Variants in XKRX observed in about 807,000 individuals in gnomAD.
XKRX encodes the protein XK related X-linked, also known as XK-related protein 2.
In XKRX, 11 loss-of-function variants were observed where a neutral mutation model predicts 22.4. The ratio of observed to expected loss-of-function variants is 0.49; its 90% CI spans 0.31 to 0.81. The LOEUF (loss-of-function observed/expected upper bound fraction) is 0.81, where lower values mean the gene tolerates loss of function less well. Among genes scored for constraint, XKRX ranks in the 40% least tolerant of loss-of-function variants. The pLI is 0.05. For missense variants in XKRX, 320 were observed against 336.5 expected (o/e 0.95, Z 0.38); for synonymous variants, 114 against 132.2 (o/e 0.86, Z 0.94).
upstream of XKRX, among the ~76,000 whole-genome samples, chrX:100,931,794 C>G (rs948917325): frequency 9.0e-6 from 1 of 110,862 alleles, no homozygotes; most frequent in Admixed American, 9.6e-5. Context: ...CTCAGACACA[C>G]TCATCTCTAA....
the XKRX span, among the ~76,000 whole-genome samples, chrX:100,936,360 G>A: frequency 9.3e-6 from 1 of 107,702 alleles, no homozygotes; most frequent in Non-Finnish European, 1.9e-5. Flanking sequence ...GGCCAAAATG[G>A]TGAAACCCTA....
At chrX:100,915,689 TGTGTGTGTGTGTGTGTGTGC>T (rs57910829) in intron 2 of XKRX, among the ~76,000 whole-genome samples, 1,285 of 26,492 alleles carry the variant, frequency 0.049, 20 homozygotes, top group African/African-American at 0.18. Context: ...TGGGTGTGTC[TGTGTGTGTGTGTGTGTGTGC>T]GTGTGTGTGT....
chrX:100,948,106 A>G, the XKRX span, among the ~76,000 whole-genome samples: 2 of 107,889 alleles, frequency 1.9e-5, no homozygotes, highest in South Asian at 4.1e-4. Flanking sequence ...AGGTTTCACC[A>G]TGTTGCCCAG....
At chrX:100,905,616 C>G in the XKRX span, among the ~76,000 whole-genome samples, 82 of 112,059 alleles carry the variant, frequency 7.3e-4, 1 homozygote, top group Middle Eastern at 9.3e-3. Flanking sequence ...TCTACCCCCC[C>G]ATATTGTTGG....
the XKRX span, among the ~76,000 whole-genome samples, chrX:100,892,495 AC>A: frequency 8.9e-6 from 1 of 112,265 alleles, no homozygotes; most frequent in Non-Finnish European, 1.9e-5. Flanking sequence ...TGTAAAAAAA[AC>A]AATTAAAAAT....
At chrX:100,958,360 A>C in the XKRX span, among the ~76,000 whole-genome samples, 2 of 112,431 alleles carry the variant, frequency 1.8e-5, no homozygotes, top group South Asian at 7.3e-4. Flanking sequence ...CGCCAGCTAC[A>C]TCAGGGTCTT....
At chrX:100,949,783 A>G in the XKRX span, among the ~76,000 whole-genome samples, 1 of 111,956 alleles carries the variant, frequency 8.9e-6, no homozygotes, top group Non-Finnish European at 1.9e-5. Context: ...TAAAATCCAC[A>G]GACTCCAGTG....
At chrX:100,922,621 G>A (rs2085478534) in intron 2 of XKRX, among the ~76,000 whole-genome samples, 172 bp downstream of exon 2, 1 of 112,390 alleles carries the variant, frequency 8.9e-6, no homozygotes, top group South Asian at 3.7e-4. Context: ...AGCAACACAC[G>A]GCTGCTGAGA....
chrX:100,932,452 A>G (rs2085524327), upstream of XKRX, among the ~76,000 whole-genome samples: 1 of 111,940 alleles, frequency 8.9e-6, no homozygotes, highest in Non-Finnish European at 1.9e-5. Flanking sequence ...TCCTCCTGAG[A>G]AGCACTAGAA....
At chrX:100,917,674 A>AAAGAAAGAAAGAAAGAAAAGAAAGAAAG (rs34196882) in intron 2 of XKRX, among the ~76,000 whole-genome samples, 3 of 25,409 alleles carry the variant, frequency 1.2e-4, no homozygotes, top group African/African-American at 3.5e-4. Flanking sequence ...AGAAAGAAAG[A>AAAGAAAGAAAGAAAGAAAAGAAAGAAAG]AAAGAAAGAA....
At chrX:100,900,914 C>T in the XKRX span, among the ~76,000 whole-genome samples, 3 of 108,057 alleles carry the variant, frequency 2.8e-5, no homozygotes, top group Non-Finnish European at 3.8e-5. Context: ...CTCAGCCTCC[C>T]GAGTAGCTGG....
rs1422429305 is a variant in XKRX, at chrX:100,928,896, C to T, written c.-592G>A. On this transcript the variant is annotated 5_prime_UTR_variant, in exon 1 of 3. Transcript: ENST00000372956. ...TGTAGCTATCAGCTGGCCCGCTCAC[C>T]TGCGCGCTCTCAGGACCTTTGCCGA... 9 of 733,040 alleles carry T rather than the reference C, an allele frequency of 1.2e-5. No homozygotes were observed. Among genetic ancestry groups the T allele is most frequent in the Non-Finnish European group, 1.4e-5 (9 of 621,201 alleles). 60.4% of individuals were successfully genotyped at this position (733,040 alleles called of 1,213,427 possible).
At chrX:100,936,256 C>A in the XKRX span, among the ~76,000 whole-genome samples, 5 of 110,308 alleles carry the variant, frequency 4.5e-5, no homozygotes, top group Admixed American at 1.9e-4. Context: ...AAGAAATACC[C>A]ATGGCCGGGC....
the XKRX span, among the ~76,000 whole-genome samples, chrX:100,939,726 A>G: frequency 6.2e-5 from 7 of 112,266 alleles, no homozygotes; most frequent in Non-Finnish European, 1.1e-4. Flanking sequence ...TTTTATTTCC[A>G]CTATCAGTCC....
chrX:100,942,878 T>C, the XKRX span, among the ~76,000 whole-genome samples: 1,359 of 110,950 alleles, frequency 0.012, 19 homozygotes, highest in African/African-American at 0.041. Context: ...GGGGTCTGAA[T>C]GTGGAAAAAA....
chrX:100,904,170 T>C, the XKRX span, among the ~76,000 whole-genome samples: 12 of 111,445 alleles, frequency 1.1e-4, no homozygotes, highest in Non-Finnish European at 2.3e-4. Flanking sequence ...AGCCCAGAAA[T>C]AGACTCACAT....
downstream of XKRX, among the ~76,000 whole-genome samples, chrX:100,908,991 G>A (rs950653046): frequency 8.9e-6 from 1 of 111,850 alleles, no homozygotes; most frequent in African/African-American, 3.2e-5. Flanking sequence ...CTTCCTAGCA[G>A]GAGTAAGAGC....
At chrX:100,950,468 C>G in the XKRX span, among the ~76,000 whole-genome samples, 2 of 112,084 alleles carry the variant, frequency 1.8e-5, no homozygotes, top group Non-Finnish European at 3.8e-5. Flanking sequence ...ACATTTCTCT[C>G]TCAACAAATA....
At chrX:100,894,789 A>C in the XKRX span, among the ~76,000 whole-genome samples, 1 of 111,883 alleles carries the variant, frequency 8.9e-6, no homozygotes, top group African/African-American at 3.2e-5. Flanking sequence ...TATGTATTTT[A>C]TTTTGGGTAT....
Sources: gnomAD v4.1 joint callset for allele counts (sites outside exome capture counted in the v4.1 genomes callset) on GRCh38, gnomAD v4.1.1 for gene constraint, MANE v1.5 for transcripts, NCBI Gene and HGNC (gene_info 2026-07-23, HGNC 2026-07-21) for gene names.